Variants in SLC2A9 observed in about 807,000 individuals in gnomAD.
SLC2A9 encodes solute carrier family 2 member 9.
SLC2A9 carries 39 observed loss-of-function variants against 50.6 expected under a neutral mutation model. The ratio of observed to expected loss-of-function variants is 0.77; its 90% CI spans 0.60 to 1.01. The LOEUF (loss-of-function observed/expected upper bound fraction) is 1.01. SLC2A9 is among the 50% of genes least tolerant of loss of function. The pLI, the probability that SLC2A9 is intolerant of heterozygous loss-of-function variation, is 0.00. For missense variants in SLC2A9, 686 were observed against 677.6 expected (o/e 1.01, Z -0.14); for synonymous variants, 324 against 276.9 (o/e 1.17, Z -1.69).
intron 6 of SLC2A9, among the ~76,000 whole-genome samples, chr4:9,931,597 C>T (rs1353288435): frequency 4.6e-5 from 7 of 152,090 alleles, no homozygotes; most frequent in African/African-American, 7.2e-5. Context: ...TGCCAGTGTT[C>T]GCCCAGGTAA....
intron 2 of SLC2A9, among the ~76,000 whole-genome samples, chr4:10,017,021 C>CTG (rs1260987476): frequency 6.6e-6 from 1 of 152,202 alleles, no homozygotes; most frequent in East Asian, 1.9e-4. Flanking sequence ...AGCCAGGCCT[C>CTG]TGTGTGTGTG....
intron 3 of SLC2A9, among the ~76,000 whole-genome samples, chr4:9,799,701 CCA>C (rs1553813273): frequency 0.014 from 480 of 33,698 alleles, 3 homozygotes; most frequent in African/African-American, 0.028. Context: ...TACCCCCCCC[CCA>C]CCCAACTTCT....
chr4:9,845,423 A>ATTTTTTTTTT (rs1183351674), intron 10 of SLC2A9, among the ~76,000 whole-genome samples: 5 of 130,798 alleles, frequency 3.8e-5, no homozygotes, highest in African/African-American at 1.6e-4. Context: ...ACGATCATCA[A>ATTTTTTTTTT]TTTCTTTTTT....
chr4:9,825,617 AG>A, downstream of SLC2A9, among the ~76,000 whole-genome samples: 1 of 152,082 alleles, frequency 6.6e-6, no homozygotes, highest in South Asian at 2.1e-4. Context: ...GTCAATTTTC[AG>A]TCCCTGCTGC....
intron 5 of SLC2A9, among the ~76,000 whole-genome samples, chr4:9,953,796 T>A (rs145129825): frequency 2.3e-5 from 1 of 43,644 alleles, no homozygotes. Flanking sequence ...CTAAATTTTG[T>A]TTGTTTGTTT....
chr4:10,018,345 G>A (rs1762952140), intron 2 of SLC2A9, among the ~76,000 whole-genome samples: 1 of 152,160 alleles, frequency 6.6e-6, no homozygotes, highest in Non-Finnish European at 1.5e-5. Flanking sequence ...GGGAGTTCCA[G>A]ACCAGCCTAG....
intron 6 of SLC2A9, among the ~76,000 whole-genome samples, chr4:9,924,863 G>A (rs941408170): frequency 6.6e-6 from 1 of 152,150 alleles, no homozygotes; most frequent in African/African-American, 2.4e-5. Context: ...AGCGTCTACA[G>A]TCCATGTGCT....
intron 3 of SLC2A9, among the ~76,000 whole-genome samples, chr4:9,801,807 G>T (rs1412349355): frequency 6.6e-6 from 1 of 151,674 alleles, no homozygotes; most frequent in Non-Finnish European, 1.5e-5. Context: ...ACAATGCAAA[G>T]AAACAAGGGG....
downstream of SLC2A9, among the ~76,000 whole-genome samples, chr4:9,796,269 T>G (rs780352556): frequency 1.2e-4 from 19 of 152,172 alleles, no homozygotes; most frequent in Admixed American, 2.6e-4. Context: ...CTGAGCGCAT[T>G]TGCCTGACCT....
At chr4:9,921,727 G>A (rs758813474) in intron 6 of SLC2A9, among the ~76,000 whole-genome samples, 2 of 152,160 alleles carry the variant, frequency 1.3e-5, no homozygotes, top group Non-Finnish European at 2.9e-5. Context: ...TTTATTAAGG[G>A]TAAATGAGAA....
intron 6 of SLC2A9, among the ~76,000 whole-genome samples, chr4:9,933,771 C>T (rs1312849526): frequency 6.6e-6 from 1 of 152,146 alleles, no homozygotes; most frequent in Non-Finnish European, 1.5e-5. Context: ...GGGCTGTGTT[C>T]CTTCTGGAGG....
At chr4:10,020,039 A>AGTGT (rs112964589) in intron 1 of SLC2A9, among the ~76,000 whole-genome samples, 18,290 of 147,966 alleles carry the variant, frequency 0.12, 1,226 homozygotes, top group African/African-American at 0.16. Flanking sequence ...CATATTTGTG[A>AGTGT]GTGTGTGTGT....
intron 3 of SLC2A9, among the ~76,000 whole-genome samples, chr4:9,800,711 G>T (rs1313595092): frequency 6.6e-6 from 1 of 152,126 alleles, no homozygotes; most frequent in Non-Finnish European, 1.5e-5. Context: ...AAATAATGCA[G>T]TATAACAACT....
At chr4:9,883,181 C>T (rs1039677848) in intron 10 of SLC2A9, among the ~76,000 whole-genome samples, 2 of 151,990 alleles carry the variant, frequency 1.3e-5, no homozygotes, top group African/African-American at 4.8e-5. Context: ...AAATCTGACT[C>T]TATTATCTTA....
At chr4:9,936,564 T>C (rs968227851) in intron 6 of SLC2A9, among the ~76,000 whole-genome samples, 3 of 152,204 alleles carry the variant, frequency 2.0e-5, no homozygotes, top group Admixed American at 2.0e-4. Context: ...TCTCAAGCAC[T>C]GTCATGGCTA....
At chr4:9,875,641 A>C (rs1441446987) in intron 10 of SLC2A9, among the ~76,000 whole-genome samples, 1 of 152,152 alleles carries the variant, frequency 6.6e-6, no homozygotes, top group Non-Finnish European at 1.5e-5. Flanking sequence ...AACTGATAGG[A>C]AGTGGAATTG....
At chr4:9,956,434 C>T (rs28538404) in intron 5 of SLC2A9, among the ~76,000 whole-genome samples, 6 of 151,844 alleles carry the variant, frequency 4.0e-5, no homozygotes, top group Non-Finnish European at 2.9e-5. Flanking sequence ...GAGCCAAGAT[C>T]GTGCCACTAC....
Position 9,949,935 on chromosome 4 carries a change from G to C in SLC2A9, c.682-7890C>G, listed in dbSNP as rs78817476. Among the ~76,000 whole-genome samples the C allele has an allele frequency of 9.6e-3, 1,457 of 152,300 alleles. 27 individuals carry two copies. Among genetic ancestry groups the C allele is most frequent in the African/African-American group, 0.034 (1,401 of 41,558 alleles). Reference sequence around the variant, plus strand: ...CCTCACAGGGAAATAGTGACAGCCAGCAAATGTTCATGGAGCTTCTTTGAC... The same window carrying C: ...CCTCACAGGGAAATAGTGACAGCCACCAAATGTTCATGGAGCTTCTTTGAC... On this transcript the variant is annotated intron_variant, in intron 5 of 11. Transcript: ENST00000264784.
intron 5 of SLC2A9, among the ~76,000 whole-genome samples, chr4:9,960,226 C>T (rs1194035621): frequency 1.3e-5 from 2 of 152,184 alleles, no homozygotes; most frequent in South Asian, 2.1e-4. Context: ...CTTGAGCCTA[C>T]CCAAGTCACT....
Sources: allele counts gnomAD v4.1 joint callset (sites outside exome capture counted in the v4.1 genomes callset), GRCh38; gene constraint gnomAD v4.1.1; transcripts MANE v1.5; gene names NCBI Gene and HGNC (gene_info 2026-07-23, HGNC 2026-07-21).